Variants in HSPBAP1 observed in about 807,000 individuals in gnomAD.
HSPBAP1 encodes the protein HSPB1 associated protein 1.
In HSPBAP1, 27 loss-of-function variants were observed where a neutral mutation model predicts 45.2. That is an observed-to-expected ratio of 0.60 (90% CI 0.44 to 0.82). The LOEUF (loss-of-function observed/expected upper bound fraction) is 0.82. HSPBAP1 is among the 40% of genes least tolerant of loss of function. The pLI, the probability that HSPBAP1 is intolerant of heterozygous loss-of-function variation, is 0.00. For synonymous variants in HSPBAP1, 204 were observed against 202.7 expected (o/e 1.01, Z -0.06); for missense variants, 510 against 590.9 (o/e 0.86, Z 1.42).
chr3:122,785,687 T>A (rs1264289220), intron 1 of HSPBAP1, among the ~76,000 whole-genome samples: 5 of 152,170 alleles, frequency 3.3e-5, no homozygotes, highest in Non-Finnish European at 7.4e-5. Context: ...TAGTCTTCCT[T>A]ACCATGCCTT....
intron 1 of HSPBAP1, among the ~76,000 whole-genome samples, chr3:122,787,182 T>C (rs931322352): frequency 1.9e-4 from 29 of 152,244 alleles, no homozygotes; most frequent in Non-Finnish European, 2.4e-4. Context: ...TCTCCAAATG[T>C]AGGATGTTCT....
At chr3:122,747,686 T>C (rs1261274869) in intron 6 of HSPBAP1, among the ~76,000 whole-genome samples, 1 of 138,188 alleles carries the variant, frequency 7.2e-6, no homozygotes, top group Non-Finnish European at 1.6e-5. Flanking sequence ...GAGGGGCGCC[T>C]CTGCCCAGCC....
chr3:122,791,768 T>TA (rs1389764940), intron 1 of HSPBAP1, among the ~76,000 whole-genome samples: 1 of 152,210 alleles, frequency 6.6e-6, no homozygotes, highest in Non-Finnish European at 1.5e-5. Context: ...GAGATCCTGC[T>TA]AAAGACATCA....
intron 6 of HSPBAP1, among the ~76,000 whole-genome samples, chr3:122,743,627 C>T (rs565437205): frequency 6.6e-6 from 1 of 151,960 alleles, no homozygotes; most frequent in Admixed American, 6.6e-5. Flanking sequence ...GGGTATACAC[C>T]TAGGAATGGA....
chr3:122,781,040 G>C (rs1935446832), intron 1 of HSPBAP1, among the ~76,000 whole-genome samples: 1 of 150,234 alleles, frequency 6.7e-6, no homozygotes, highest in South Asian at 2.1e-4. Flanking sequence ...ATGGGATGGC[G>C]GCCGGGCAGA....
At chr3:122,755,675 G>A (rs577728535) in intron 4 of HSPBAP1, among the ~76,000 whole-genome samples, 1 of 150,718 alleles carries the variant, frequency 6.6e-6, no homozygotes, top group South Asian at 2.1e-4. Context: ...CATCCATGAG[G>A]CAGCCTCTTA....
At chr3:122,762,090 C>G (rs969683177) in intron 3 of HSPBAP1, 2 of 152,156 alleles carry the variant, frequency 1.3e-5, no homozygotes, top group African/African-American at 4.8e-5. Flanking sequence ...CTATTCTACA[C>G]CATCCCTGAA....
chr3:122,768,949 TA>T (rs111824677), intron 2 of HSPBAP1, 67 bp from the exon 3 acceptor site: 2 of 1,096,592 alleles, frequency 1.8e-6, no homozygotes, highest in Non-Finnish European at 2.6e-6. Flanking sequence ...GTTTTTTTTT[TA>T]AAATAAAGAT....
chr3:122,791,164 C>G (rs1051483114), intron 1 of HSPBAP1, among the ~76,000 whole-genome samples: 1 of 152,226 alleles, frequency 6.6e-6, no homozygotes, highest in Non-Finnish European at 1.5e-5. Context: ...ACCTTGTCCT[C>G]CAGTCTTTCT....
At chr3:122,766,392 G>A (rs573025772) in intron 3 of HSPBAP1, among the ~76,000 whole-genome samples, 2 of 152,266 alleles carry the variant, frequency 1.3e-5, no homozygotes, top group South Asian at 4.1e-4. Flanking sequence ...AGAAAATTTT[G>A]AGACAAAAGA....
At chr3:122,753,663 A>C (rs1200615651) in intron 5 of HSPBAP1, 1 of 985,148 alleles carries the variant, frequency 1.0e-6, no homozygotes, top group Non-Finnish European at 1.2e-6. Flanking sequence ...CACATTAGGA[A>C]ACTACTGGTA....
chr3:122,769,022 T>G (rs1247781247), intron 2 of HSPBAP1, 140 bp from the exon 3 acceptor site: 1 of 622,100 alleles, frequency 1.6e-6, no homozygotes, highest in East Asian at 2.8e-5. Context: ...CCAGGTGTGG[T>G]GGTGCATGCC....
chr3:122,773,668 C>T (rs1217614095), intron 2 of HSPBAP1, among the ~76,000 whole-genome samples: 1 of 152,108 alleles, frequency 6.6e-6, no homozygotes, highest in Non-Finnish European at 1.5e-5. Context: ...AACAGGGCCT[C>T]ATTCTGTCTC....
intron 1 of HSPBAP1, among the ~76,000 whole-genome samples, chr3:122,787,011 G>A (rs1935680890): frequency 6.6e-6 from 1 of 152,106 alleles, no homozygotes; most frequent in African/African-American, 2.4e-5. Flanking sequence ...ATAATATTTT[G>A]CAAAGAGCTA....
intron 1 of HSPBAP1, among the ~76,000 whole-genome samples, chr3:122,782,556 G>A (rs1180977350): frequency 1.3e-5 from 2 of 152,050 alleles, no homozygotes; most frequent in Non-Finnish European, 2.9e-5. Flanking sequence ...TCCTATATGT[G>A]CAGTGAATGG....
intron 1 of HSPBAP1, among the ~76,000 whole-genome samples, chr3:122,778,671 A>G (rs1284048237): frequency 1.3e-5 from 2 of 152,104 alleles, no homozygotes; most frequent in African/African-American, 4.8e-5. Context: ...CAGGGACTAC[A>G]GGCGCCCGCC....
At chr3:122,749,459 A>G (rs1369831462) in intron 6 of HSPBAP1, among the ~76,000 whole-genome samples, 2 of 152,308 alleles carry the variant, frequency 1.3e-5, no homozygotes, top group East Asian at 3.9e-4. Flanking sequence ...TTCCTTCACA[A>G]TGACTCCTGA....
At chr3:122,758,896 C>A (rs1304897639) in intron 4 of HSPBAP1, 3,711 of 199,544 alleles carry the variant, frequency 0.019, 2 homozygotes, top group South Asian at 0.03. Flanking sequence ...TCTAATTTAC[C>A]AAAAAAAAAA....
intron 2 of HSPBAP1, among the ~76,000 whole-genome samples, chr3:122,774,728 A>AGAGGATGGCTGTGGAGACAGACAG (rs1345194912): frequency 2.6e-5 from 4 of 152,212 alleles, no homozygotes; most frequent in African/African-American, 9.6e-5. Context: ...AACGCCCACT[A>AGAGGATGGCTGTGGAGACAGACAG]GAGGATGGCT....
Sources: allele counts gnomAD v4.1 joint callset (sites outside exome capture counted in the v4.1 genomes callset), GRCh38; gene constraint gnomAD v4.1.1; transcripts MANE v1.5; gene names NCBI Gene and HGNC (gene_info 2026-07-23, HGNC 2026-07-21).